PCDH15: variants seen among roughly 807,000 people sequenced by gnomAD.
PCDH15 encodes protocadherin-15.
In PCDH15, 129 loss-of-function variants were observed where a neutral mutation model predicts 178.5. That is an observed-to-expected ratio of 0.72 (90% CI 0.63 to 0.84). PCDH15 has a LOEUF of 0.84. Ranked by LOEUF, PCDH15 falls within the 40% of genes least tolerant of loss-of-function variation. The probability of loss-of-function intolerance (pLI) is 0.00; values close to 1 mark genes in which losing one functional copy is unlikely to be tolerated. For synonymous variants in PCDH15, 800 were observed against 732.0 expected (o/e 1.09, Z -1.50); for missense variants, 2,230 against 2,099.9 (o/e 1.06, Z -1.21).
At chr10:54,450,077 T>G (rs185523090) in intron 3 of PCDH15, among the ~76,000 whole-genome samples, 1 of 150,372 alleles carries the variant, frequency 6.7e-6, no homozygotes, top group East Asian at 2.0e-4. Flanking sequence ...GGGAAAACCA[T>G]TTCCACATTT....
chr10:54,654,552 A>G (rs1026038571), intron 2 of PCDH15, among the ~76,000 whole-genome samples: 24 of 152,238 alleles, frequency 1.6e-4, no homozygotes, highest in African/African-American at 5.5e-4. Context: ...TATAGTTACA[A>G]GAAAAACCAA....
At chr10:55,544,223 T>C (rs1385571798) in intron 2 of PCDH15, among the ~76,000 whole-genome samples, 1 of 147,270 alleles carries the variant, frequency 6.8e-6, no homozygotes, top group Non-Finnish European at 1.5e-5. Context: ...GTTACACTTA[T>C]ACATGTATAT....
Position 53,938,971 on chromosome 10 carries a change from C to T in PCDH15, c.3233-16G>A, listed in dbSNP as rs2085816893. 6.2e-7 allele frequency: 1 copy of T among 1,609,656 alleles called. No homozygotes were observed. The highest frequency in any genetic ancestry group is 8.5e-7 in the Non-Finnish European group (1 of 1,176,954). ...CCAAATGTATCTAGAAATTAAAATACAATTACCTGGTCATTGTCTTTACGC... is the reference window on the plus strand; with the variant it reads ...CCAAATGTATCTAGAAATTAAAATATAATTACCTGGTCATTGTCTTTACGC... On this transcript the variant is annotated splice_polypyrimidine_tract_variant and intron_variant, in intron 24 of 37. Transcript: ENST00000644397.
At chr10:54,768,564 G>A (rs142178485) in intron 1 of PCDH15, among the ~76,000 whole-genome samples, 6 of 152,152 alleles carry the variant, frequency 3.9e-5, no homozygotes, top group South Asian at 2.1e-4. Context: ...AGAAGTAAGC[G>A]AGACTTAAGG....
intron 2 of PCDH15, among the ~76,000 whole-genome samples, chr10:55,488,797 T>C (rs890911444): frequency 6.6e-6 from 1 of 151,506 alleles, no homozygotes; most frequent in African/African-American, 2.4e-5. Flanking sequence ...AAGTTGCCAA[T>C]GGAGAAATAT....
intron 29 of PCDH15, among the ~76,000 whole-genome samples, chr10:53,838,658 T>TA (rs1435246855): frequency 1.3e-5 from 2 of 152,244 alleles, no homozygotes; most frequent in East Asian, 1.9e-4. Context: ...TAGATTCACA[T>TA]AAAAAAGAAA....
At chr10:54,998,384 A>G (rs1401113319) in intron 2 of PCDH15, among the ~76,000 whole-genome samples, 1 of 152,074 alleles carries the variant, frequency 6.6e-6, no homozygotes, top group Non-Finnish European at 1.5e-5. Flanking sequence ...AACTTAAAGT[A>G]TAAATAATAA....
In PCDH15 at chr10:55,231,531, A is replaced by G. The variant is rs945375865; in HGVS notation, c.-155-64880T>C. Among the ~76,000 whole-genome samples the G allele has an allele frequency of 2.0e-5, 3 of 152,106 alleles. 1 individual carries two copies. The highest frequency in any genetic ancestry group is 7.2e-5 in the African/African-American group (3 of 41,424). ...CAAAATGGAGATGATCGTCTAAAACAAAATTGGCAATCTATTCCAATGAAA... is the reference window on the plus strand; with the variant it reads ...CAAAATGGAGATGATCGTCTAAAACGAAATTGGCAATCTATTCCAATGAAA... On this transcript the variant is annotated intron_variant, in intron 1 of 5. Transcript: ENST00000458638.
chr10:54,591,325 T>G (rs2133937875), intron 2 of PCDH15, among the ~76,000 whole-genome samples: 2 of 152,310 alleles, frequency 1.3e-5, no homozygotes, highest in Admixed American at 1.3e-4. Context: ...TAAACCTTCC[T>G]TGGCTGTGGT....
intron 1 of PCDH15, among the ~76,000 whole-genome samples, chr10:55,288,816 C>T (rs1330771218): frequency 6.6e-6 from 1 of 151,322 alleles, no homozygotes; most frequent in Non-Finnish European, 1.5e-5. Context: ...AATAATGTTG[C>T]AATAAACATT....
At chr10:54,464,226 A>G (rs2077377860) in intron 3 of PCDH15, among the ~76,000 whole-genome samples, 2 of 152,168 alleles carry the variant, frequency 1.3e-5, no homozygotes, top group African/African-American at 4.8e-5. Flanking sequence ...TATGAGCATT[A>G]CAAATTTTAA....
chr10:54,465,092 TA>T (rs2077427673), intron 3 of PCDH15, among the ~76,000 whole-genome samples: 1 of 152,144 alleles, frequency 6.6e-6, no homozygotes, highest in Non-Finnish European at 1.5e-5. Flanking sequence ...TTTTAATAAT[TA>T]AAGGTACATA....
chr10:54,846,583 A>G (rs1418799225), intron 3 of PCDH15, among the ~76,000 whole-genome samples: 4 of 152,130 alleles, frequency 2.6e-5, no homozygotes, highest in Non-Finnish European at 5.9e-5. Flanking sequence ...TTTTTAACGT[A>G]TGAAAAAAAT....
In PCDH15 at chr10:54,046,624, A is replaced by C. The variant is rs569216546; in HGVS notation, c.2220+20133T>G. Among the ~76,000 whole-genome samples the C allele has an allele frequency of 1.4e-3, 217 of 151,742 alleles. 1 individual carries two copies. The highest frequency in any genetic ancestry group is 2.8e-3 in the Non-Finnish European group (189 of 67,836). ...TAGATGGTAAATGTGCAACAAAAAA[A>C]CCCAGGAAATTAACATAGTGGTTAA... On this transcript the variant is annotated intron_variant, in intron 18 of 37. Coordinates refer to ENST00000644397, the MANE Select transcript of PCDH15 (RefSeq NM_001384140.1).
intron 8 of PCDH15, among the ~76,000 whole-genome samples, chr10:54,316,045 A>G (rs1440567980): frequency 6.6e-6 from 1 of 151,058 alleles, no homozygotes; most frequent in Non-Finnish European, 1.5e-5. Flanking sequence ...TTCTACATCT[A>G]TTTTGTCCAG....
chr10:54,400,188 G>T lies in PCDH15; in HGVS notation c.158-21246C>A, dbSNP rs1443665410. 3.9e-5 allele frequency among the ~76,000 whole-genome samples: 6 copies of T among 152,036 alleles called. 1 individual carries two copies. The highest frequency in any genetic ancestry group is 7.4e-5 in the Non-Finnish European group (5 of 67,992). On this transcript the variant is annotated intron_variant, in intron 3 of 37. Transcript: ENST00000644397. ...AGAGTAGGAGATAAAGTATTTGTTG[G>T]ATTAGCACATTAGCAAAATTATCTA... is the stretch of plus-strand genomic sequence containing the variant.
At chr10:55,409,138 C>A (rs1056977499) in intron 2 of PCDH15, among the ~76,000 whole-genome samples, 1 of 152,010 alleles carries the variant, frequency 6.6e-6, no homozygotes, top group African/African-American at 2.4e-5. Flanking sequence ...TGCCTAAGTT[C>A]AGCTAAGACC....
chr10:54,626,893 A>G (rs1051363638), intron 2 of PCDH15, among the ~76,000 whole-genome samples: 2 of 152,206 alleles, frequency 1.3e-5, no homozygotes, highest in Non-Finnish European at 2.9e-5. Flanking sequence ...CTGCAAAGCC[A>G]CAGGGATGGA....
chr10:54,589,127 A>G (rs2091709188), intron 2 of PCDH15, among the ~76,000 whole-genome samples: 1 of 152,138 alleles, frequency 6.6e-6, no homozygotes, highest in Admixed American at 6.6e-5. Flanking sequence ...TCATTACTCA[A>G]CATATTTTTG....
Sources: gnomAD v4.1 joint callset for allele counts (sites outside exome capture counted in the v4.1 genomes callset) on GRCh38, gnomAD v4.1.1 for gene constraint, MANE v1.5 for transcripts, NCBI Gene and HGNC (gene_info 2026-07-23, HGNC 2026-07-21) for gene names.